The following PSD2 variants were observed in gnomAD, a reference collection of about 807,000 sequenced individuals.
PSD2 encodes pleckstrin and Sec7 domain containing 2.
Under a neutral mutation model 69.8 loss-of-function variants are expected in PSD2, and 38 were observed. That is an observed-to-expected ratio of 0.54 (90% confidence interval 0.42 to 0.71). The LOEUF is 0.71. PSD2 is among the 30% of genes least tolerant of loss of function. The pLI, the probability that PSD2 is intolerant of heterozygous loss-of-function variation, is 0.00. For synonymous variants in PSD2, 412 were observed against 423.0 expected, an observed-to-expected ratio of 0.97 and a Z score of 0.32; for missense variants, 943 against 1,014.5, an observed-to-expected ratio of 0.93 and a Z score of 0.96.
chr5:139,788,661 C>T, the PSD2 span, among the ~76,000 whole-genome samples: 1 of 152,208 alleles, frequency 6.6e-6, no homozygotes, highest in Non-Finnish European at 1.5e-5. Flanking sequence ...CCCGGAGGCC[C>T]ACAAAGGCCC....
At chr5:139,771,368 CTTTCTTTTCT>C in the PSD2 span, among the ~76,000 whole-genome samples, 9 of 151,760 alleles carry the variant, frequency 5.9e-5, no homozygotes, top group African/African-American at 1.9e-4. Context: ...AGCAGGCCTG[CTTTCTTTTCT>C]TTTCTTTTCT....
chr5:139,804,728 GT>G, intron 1 of PSD2, among the ~76,000 whole-genome samples: 1 of 152,148 alleles, frequency 6.6e-6, no homozygotes, highest in Non-Finnish European at 1.5e-5. Context: ...ACCCAGGATG[GT>G]TTTGACCCTG....
At chr5:139,793,342 T>C (rs770339421), upstream of PSD2, among the ~76,000 whole-genome samples, 1 of 152,186 alleles carries the variant, frequency 6.6e-6, no homozygotes, top group Non-Finnish European at 1.5e-5. Flanking sequence ...CACACAGAGC[T>C]CACCTGTGGC....
chr5:139,790,507 A>T, the PSD2 span, among the ~76,000 whole-genome samples: 61 of 152,182 alleles, frequency 4.0e-4, no homozygotes, highest in Non-Finnish European at 7.6e-4. Flanking sequence ...GAGGTCAGAG[A>T]GGGGCGGAGA....
At position 139,837,791 on chromosome 5, in the gene PSD2, G is replaced by A. The variant is rs1409161380; in HGVS notation, c.1823+9G>A. 6.2e-7 allele frequency: 1 copy of A among 1,601,762 alleles called. No individual in the cohort carries two copies. The highest frequency in any genetic ancestry group is 8.5e-7 in the Non-Finnish European group (1 of 1,170,874). The stretch of plus-strand genomic sequence containing the variant: ...TTCCTCTTCCAGGCACCGTGAGTAG[G>A]AGCTGGAGCCCTTCACTCCCACCTG... On this transcript the variant is annotated intron_variant, in intron 12 of 14. Coordinates refer to ENST00000274710, the MANE Select transcript of PSD2 (RefSeq NM_032289.4). The surrounding 1 kb of genome is among the most constrained non-coding windows in gnomAD (Gnocchi z 5.0).
intron 4 of PSD2, among the ~76,000 whole-genome samples, chr5:139,816,776 G>T (rs1413645364): frequency 6.6e-6 from 1 of 152,184 alleles, no homozygotes; most frequent in Non-Finnish European, 1.5e-5. Context: ...CTCTGGGCCG[G>T]CCAGCTTGTC....
chr5:139,831,446 C>T (rs1561605869), intron 7 of PSD2, among the ~76,000 whole-genome samples: 1 of 151,960 alleles, frequency 6.6e-6, no homozygotes, highest in Non-Finnish European at 1.5e-5. Context: ...TCTTTGACTC[C>T]TCTGTTCTGT....
At chr5:139,821,835 T>G in intron 5 of PSD2, 58 bp from the exon 6 acceptor site, 2 of 940,606 alleles carry the variant, frequency 2.1e-6, no homozygotes, top group Non-Finnish European at 3.4e-6. Flanking sequence ...GTGTGGGGGG[T>G]GGTCTTACCC....
the PSD2 span, among the ~76,000 whole-genome samples, chr5:139,757,935 G>A: frequency 6.6e-6 from 1 of 152,194 alleles, no homozygotes; most frequent in Non-Finnish European, 1.5e-5. Context: ...CAGCGCTTTG[G>A]GAGGCCAAGG....
At chr5:139,746,730 G>C in the PSD2 span, among the ~76,000 whole-genome samples, 3 of 152,172 alleles carry the variant, frequency 2.0e-5, no homozygotes, top group Non-Finnish European at 4.4e-5. This position sits in a 1 kb window ranked among gnomAD's most constrained non-coding sequence, Gnocchi z 4.5. Context: ...TGATGGCCGC[G>C]CAGCACCCCC....
At chr5:139,787,031 C>G in the PSD2 span, among the ~76,000 whole-genome samples, 2 of 152,110 alleles carry the variant, frequency 1.3e-5, no homozygotes, top group South Asian at 2.1e-4. Flanking sequence ...GCATCCGAAC[C>G]GGGGAGTGAG....
the PSD2 span, among the ~76,000 whole-genome samples, chr5:139,781,483 C>T: frequency 6.7e-6 from 1 of 149,266 alleles, no homozygotes; most frequent in Non-Finnish European, 1.5e-5. Context: ...CTACAGGTGT[C>T]CGCCACCACG....
Position 139,842,549 on chromosome 5 carries a change from C to T in PSD2, c.*75C>T, listed in dbSNP as rs1408860891. On this transcript the variant is annotated 3_prime_UTR_variant, in exon 15 of 15. Coordinates refer to ENST00000274710, the MANE Select transcript of PSD2 (RefSeq NM_032289.4). Reference sequence around the variant, plus strand: ...CAGTGAGCACAATTCCAGCCAGGGGCCACTTGGACCAAGCTCCAGTCAGTT... The same window carrying T: ...CAGTGAGCACAATTCCAGCCAGGGGTCACTTGGACCAAGCTCCAGTCAGTT... 2 of 1,340,994 alleles carry T rather than the reference C, an allele frequency of 1.5e-6. No individual in the cohort carries two copies. The highest frequency in any genetic ancestry group is 2.1e-6 in the Non-Finnish European group (2 of 948,570). The allele number at this position is 1,340,994 out of a possible 1,614,324, so 83.1% of individuals were successfully genotyped here. A position where few individuals can be genotyped will look rare whatever the true frequency, so the allele number is the denominator to read the frequency against.
chr5:139,832,194 C>A (rs574993796), intron 7 of PSD2, among the ~76,000 whole-genome samples: 10 of 152,188 alleles, frequency 6.6e-5, no homozygotes, highest in Non-Finnish European at 1.5e-4. Context: ...TGACCGATGG[C>A]TGGGGAATGT....
chr5:139,788,055 G>A, the PSD2 span, among the ~76,000 whole-genome samples: 1 of 152,238 alleles, frequency 6.6e-6, no homozygotes, highest in African/African-American at 2.4e-5. Context: ...CTTCCTTTCA[G>A]AGTGCGGGCG....
intron 1 of PSD2, among the ~76,000 whole-genome samples, chr5:139,807,226 A>G (rs1759831459): frequency 6.6e-6 from 1 of 152,212 alleles, no homozygotes; most frequent in Non-Finnish European, 1.5e-5. Flanking sequence ...ATCCTGGTGA[A>G]ATCGGGTTGA....
chr5:139,776,367 G>C, the PSD2 span, among the ~76,000 whole-genome samples: 8 of 152,226 alleles, frequency 5.3e-5, no homozygotes, highest in African/African-American at 1.9e-4. Flanking sequence ...AAAAATCATG[G>C]GTAATTTCAG....
chr5:139,767,818 A>G, the PSD2 span, among the ~76,000 whole-genome samples: 1 of 152,248 alleles, frequency 6.6e-6, no homozygotes, highest in African/African-American at 2.4e-5. Flanking sequence ...CATGCAATCC[A>G]AGAGGTTATA....
At chr5:139,834,847 C>T (rs1760677479) in intron 8 of PSD2, among the ~76,000 whole-genome samples, 1 of 151,972 alleles carries the variant, frequency 6.6e-6, no homozygotes, top group Non-Finnish European at 1.5e-5. Context: ...CCTATCTAAC[C>T]ACTTCTGCAC....
Sources: allele counts gnomAD v4.1 joint callset (sites outside exome capture counted in the v4.1 genomes callset), GRCh38; gene constraint gnomAD v4.1.1; non-coding constraint Gnocchi (gnomAD v3.1); transcripts MANE v1.5; gene names NCBI Gene and HGNC (gene_info 2026-07-23, HGNC 2026-07-21).